ACOT7: variants seen among roughly 807,000 people sequenced by gnomAD.
ACOT7 encodes cytosolic acyl coenzyme A thioester hydrolase.
In ACOT7, 12 loss-of-function variants were observed where a neutral mutation model predicts 40.2. The observed-to-expected ratio is 0.30, with a 90% confidence interval of 0.19 to 0.48. The LOEUF (loss-of-function observed/expected upper bound fraction) is 0.48, where lower values mean the gene tolerates loss of function less well. Ranked by LOEUF, ACOT7 falls within the 20% of genes least tolerant of loss-of-function variation. ACOT7 has a pLI of 0.99. For synonymous variants in ACOT7, 228 were observed against 219.5 expected (o/e 1.04, Z -0.34); for missense variants, 395 against 530.8 (o/e 0.74, Z 2.51).
intron 8 of ACOT7, among the ~76,000 whole-genome samples, chr1:6,268,535 C>A (rs1240448034): frequency 5.3e-5 from 8 of 152,200 alleles, no homozygotes; most frequent in Admixed American, 5.2e-4. Context: ...GGGCTGCGGG[C>A]AGAGCTGAGG....
At chr1:6,291,069 T>G (rs908014000) in intron 7 of ACOT7, among the ~76,000 whole-genome samples, 14 of 152,022 alleles carry the variant, frequency 9.2e-5, no homozygotes, top group East Asian at 1.9e-4. Flanking sequence ...ATCAAGTTCA[T>G]GATTTTATAA....
At chr1:6,337,129 G>T (rs920164437) in intron 3 of ACOT7, among the ~76,000 whole-genome samples, 11 of 152,232 alleles carry the variant, frequency 7.2e-5, no homozygotes, top group African/African-American at 1.2e-4. Flanking sequence ...ACAGCGCAAT[G>T]CCAGCCCTGA....
intron 1 of ACOT7, among the ~76,000 whole-genome samples, chr1:6,369,409 T>TC (rs1053606879): frequency 2.1e-5 from 3 of 141,900 alleles, no homozygotes; most frequent in Non-Finnish European, 4.6e-5. Flanking sequence ...TTTTTTTTTT[T>TC]TTTTTTTTTT....
At chr1:6,295,799 G>C (rs1571280101) in intron 6 of ACOT7, among the ~76,000 whole-genome samples, 1 of 152,090 alleles carries the variant, frequency 6.6e-6, no homozygotes, top group Admixed American at 6.5e-5. Context: ...ACCACTAATG[G>C]GTACAGGGTC....
intron 7 of ACOT7, among the ~76,000 whole-genome samples, chr1:6,284,991 T>C (rs1438075947): frequency 2.0e-5 from 3 of 152,180 alleles, no homozygotes; most frequent in Non-Finnish European, 4.4e-5. Flanking sequence ...CCTCTAGAAC[T>C]GTCCTCCACT....
chr1:6,288,211 C>A lies in ACOT7; in HGVS notation c.829+6653G>T, dbSNP rs900999256. 1.3e-5 allele frequency among the ~76,000 whole-genome samples: 2 copies of A among 152,236 alleles called. No homozygotes were observed. Among genetic ancestry groups the A allele is most frequent in the African/African-American group, 4.8e-5 (2 of 41,458 alleles). ...TTCCCCTGTGCTGGTCCCCTGGGTGCGGGCTCCAGCCTGTCGTGGCCCTCG... is the reference window on the plus strand; with the variant it reads ...TTCCCCTGTGCTGGTCCCCTGGGTGAGGGCTCCAGCCTGTCGTGGCCCTCG... On this transcript the variant is annotated intron_variant, in intron 7 of 8. Coordinates refer to ENST00000361521, the MANE Select transcript of ACOT7 (RefSeq NM_007274.4). The surrounding 1 kb of genome is among the most constrained non-coding windows in gnomAD (Gnocchi z 4.3).
At chr1:6,272,964 CAG>C (rs1252958339) in intron 8 of ACOT7, among the ~76,000 whole-genome samples, 1 of 152,230 alleles carries the variant, frequency 6.6e-6, no homozygotes, top group Non-Finnish European at 1.5e-5. Flanking sequence ...GCAGTGGGGA[CAG>C]AGAGGCCCCA....
At chr1:6,304,038 G>A (rs1262571606) in intron 6 of ACOT7, among the ~76,000 whole-genome samples, 1 of 152,180 alleles carries the variant, frequency 6.6e-6, no homozygotes, top group Admixed American at 6.5e-5. Flanking sequence ...AGCAAGAGGA[G>A]GCTGCAGCTA....
chr1:6,269,008 G>A (rs767154669), intron 8 of ACOT7, among the ~76,000 whole-genome samples: 1 of 152,242 alleles, frequency 6.6e-6, no homozygotes, highest in Non-Finnish European at 1.5e-5. Flanking sequence ...AGGGACTACA[G>A]CGATAAGGGG....
rs563439029 is a variant in ACOT7, at chr1:6,379,972, A to G, written c.143+13285T>C. ...TCCTAGCTCCTTGGGAAGTTGAGGC[A>G]GGGGAATCACTTGAACCCAGGAGGC... On this transcript the variant is annotated intron_variant, in intron 1 of 8. Transcript: ENST00000361521. 5.0e-3 allele frequency among the ~76,000 whole-genome samples: 759 copies of G among 151,920 alleles called. 16 individuals carry two copies. Among genetic ancestry groups the G allele is most frequent in the Middle Eastern group, 0.014 (4 of 294 alleles).
intron 1 of ACOT7, among the ~76,000 whole-genome samples, chr1:6,387,490 AAC>A (rs1642459308): frequency 6.6e-6 from 1 of 152,174 alleles, no homozygotes; most frequent in African/African-American, 2.4e-5. Context: ...CCATATTTGT[AAC>A]AGACTTCCCC....
intron 8 of ACOT7, among the ~76,000 whole-genome samples, chr1:6,276,012 C>T (rs1384689775): frequency 6.6e-6 from 1 of 152,192 alleles, no homozygotes; most frequent in East Asian, 1.9e-4. Context: ...GGGGTCACGG[C>T]GCTCACTCAG....
chr1:6,385,956 C>G, intron 1 of ACOT7: 2 of 701,762 alleles, frequency 2.8e-6, no homozygotes, highest in South Asian at 4.9e-5. Context: ...AGGGCCACCA[C>G]CCCTCTGCGG....
chr1:6,284,498 C>A (rs532863120), intron 7 of ACOT7, among the ~76,000 whole-genome samples: 1 of 151,428 alleles, frequency 6.6e-6, no homozygotes, highest in African/African-American at 2.4e-5. Flanking sequence ...ATCGCCTGAA[C>A]CCGGGAGGCG....
rs1639130866 is a variant in ACOT7, at chr1:6,274,446, C to T, written c.1014+6656G>A. On this transcript the variant is annotated intron_variant, in intron 8 of 8. Transcript: ENST00000361521. This position sits in a 1 kb window ranked among gnomAD's most constrained non-coding sequence, Gnocchi z 5.9. ...CCCTCCAGCTGAACAGCAGGTCAAA[C>T]AGTGCCCTCCTTCCGGACGCTCCAG... Among the ~76,000 whole-genome samples, 1 of 152,212 alleles carries T rather than the reference C, an allele frequency of 6.6e-6. No homozygotes were observed. Among genetic ancestry groups the T allele is most frequent in the Non-Finnish European group, 1.5e-5 (1 of 68,034 alleles).
At chr1:6,281,060 G>A (rs1364725967) in intron 8 of ACOT7, 42 bp downstream of exon 8, 1 of 1,594,790 alleles carries the variant, frequency 6.3e-7, no homozygotes, top group Non-Finnish European at 8.5e-7. Context: ...CCCTAGGGCT[G>A]CCTGGCAGGG....
intron 7 of ACOT7, among the ~76,000 whole-genome samples, chr1:6,291,988 C>G (rs914291763): frequency 2.0e-5 from 3 of 152,184 alleles, no homozygotes; most frequent in African/African-American, 7.2e-5. Context: ...CAACCCTGGC[C>G]CCACTCGGCC....
chr1:6,315,383 A>G (rs1640460970), intron 6 of ACOT7, among the ~76,000 whole-genome samples: 1 of 152,244 alleles, frequency 6.6e-6, no homozygotes, highest in Admixed American at 6.5e-5. Context: ...GGAAAATACG[A>G]TAAAATCACA....
intron 1 of ACOT7, among the ~76,000 whole-genome samples, chr1:6,372,094 T>G (rs1642143805): frequency 6.6e-6 from 1 of 151,502 alleles, no homozygotes; most frequent in Non-Finnish European, 1.5e-5. Context: ...TCACCGGTGA[T>G]CTCAGCCAGA....
Sources: gnomAD v4.1 joint callset for allele counts (sites outside exome capture counted in the v4.1 genomes callset) on GRCh38, gnomAD v4.1.1 for gene constraint, Gnocchi (gnomAD v3.1) non-coding constraint, MANE v1.5 for transcripts, NCBI Gene and HGNC (gene_info 2026-07-23, HGNC 2026-07-21) for gene names.